Variants in BRSK1 observed in about 807,000 individuals in gnomAD.
The protein encoded by BRSK1 is serine/threonine-protein kinase BRSK1.
A neutral mutation model predicts 86.2 loss-of-function variants in BRSK1; 17 were observed. The ratio of observed to expected loss-of-function variants is 0.20; its 90% CI spans 0.14 to 0.30. The LOEUF is 0.30. Ranked by LOEUF, BRSK1 falls within the 10% of genes least tolerant of loss-of-function variation. The probability of loss-of-function intolerance (pLI) is 1.00; values close to 1 mark genes in which losing one functional copy is unlikely to be tolerated. For missense variants in BRSK1, 719 were observed against 1,071.9 expected, an observed-to-expected ratio of 0.67 and a Z score of 4.60; for synonymous variants, 464 against 440.1, an observed-to-expected ratio of 1.05 and a Z score of -0.68.
intron 4 of BRSK1, among the ~76,000 whole-genome samples, chr19:55,289,902 C>T (rs1031873054): frequency 6.6e-6 from 1 of 152,216 alleles, no homozygotes; most frequent in East Asian, 1.9e-4. Flanking sequence ...CTCCTGCCCC[C>T]AGCCCCCGGC....
Position 55,284,488 on chromosome 19 carries a change from C to T in BRSK1, c.46C>T (p.His16Tyr), listed in dbSNP as rs895592761. Residue 16 changes from histidine (H) to tyrosine (Y), a missense_variant, in exon 1 of 19, where the codon CAC becomes TAC. Coordinates refer to ENST00000309383, the MANE Select transcript of BRSK1 (RefSeq NM_032430.2). ...GGGAGGTGGGGGCTCTCCCGCCTAC[C>T]ACCTCCCCCACCCCCACCCCCACCC... ...KEGGGGSPAY[H>Y]LPHPHPHPPQ... 1.7e-6 allele frequency: 2 copies of T among 1,205,262 alleles called. No homozygotes were observed. Among genetic ancestry groups the T allele is most frequent in the Non-Finnish European group, 2.2e-6 (2 of 907,330 alleles). 74.7% of individuals were successfully genotyped at this position (1,205,262 alleles called of 1,614,324 possible). A position where few individuals can be genotyped will look rare whatever the true frequency, so the allele number is the denominator to read the frequency against.
intron 4 of BRSK1, among the ~76,000 whole-genome samples, chr19:55,292,812 C>T (rs1002185240): frequency 1.3e-5 from 2 of 148,734 alleles, no homozygotes; most frequent in Non-Finnish European, 1.5e-5. Context: ...GCAGCCTGGT[C>T]GACAGAGTGA....
At position 55,304,109 on chromosome 19, in the gene BRSK1, G is replaced by T; in HGVS notation, c.1346G>T (p.Arg449Met). ...TCCTCCAGCCCTCTAAGCAGCCCAA[G>T]GGTAAGGCCAGGTCCCCAGTGGGAT... ...GLSSSPLSSP[R>M]SPVFSFSPEP... The change falls in exon 13 of 19, where the codon AGG becomes ATG. Residue 449 changes from arginine (R) to methionine (M), a missense_variant and splice_region_variant. Arg to Met is a moderately conservative substitution (Grantham distance 91). This residue lies in a region of BRSK1 where 168 missense variants were observed against 246.3 expected (regional missense o/e 0.68). Transcript: ENST00000309383. The surrounding 1 kb of genome is among the most constrained non-coding windows in gnomAD (Gnocchi z 5.2). 6.2e-7 allele frequency: 1 copy of T among 1,612,418 alleles called. No individual in the cohort carries two copies. The highest frequency in any genetic ancestry group is 8.5e-7 in the Non-Finnish European group (1 of 1,179,718).
At chr19:55,311,531 CG>C (rs2088794129) in intron 18 of BRSK1, among the ~76,000 whole-genome samples, 1 of 152,138 alleles carries the variant, frequency 6.6e-6, no homozygotes, top group Non-Finnish European at 1.5e-5. Context: ...AGGAGAGAGT[CG>C]GGGGGCCCCT....
chr19:55,284,181 A>G lies in BRSK1; in HGVS notation c.-262A>G, dbSNP rs1344155141. 2 of 259,208 alleles carry G rather than the reference A, an allele frequency of 7.7e-6. No individual in the cohort carries two copies. Among genetic ancestry groups the G allele is most frequent in the Non-Finnish European group, 1.2e-5 (2 of 162,958 alleles). 16.1% of individuals were successfully genotyped at this position (259,208 alleles called of 1,614,324 possible). A position where few individuals can be genotyped will look rare whatever the true frequency, so the allele number is the denominator to read the frequency against. ...GCAGGAAGCGGGGGGCCGGCCAGAA[A>G]CGGGCTGGGGAGGGGGGGCCCCGCA... On this transcript the variant is annotated 5_prime_UTR_variant, in exon 1 of 19. Transcript: ENST00000309383.
At chr19:55,289,676 C>T in intron 4 of BRSK1, 56 bp downstream of exon 4, 3 of 1,590,976 alleles carry the variant, frequency 1.9e-6, no homozygotes, top group African/African-American at 2.7e-5. Flanking sequence ...CAGACAGGCC[C>T]TTGGGGGCAT....
In BRSK1 at chr19:55,306,585, C is replaced by T; in HGVS notation, c.2089+135C>T. 1 of 988,038 alleles carries T rather than the reference C, an allele frequency of 1.0e-6. No homozygotes were observed. Among genetic ancestry groups the T allele is most frequent in the Non-Finnish European group, 1.5e-6 (1 of 667,830 alleles). 61.2% of individuals were successfully genotyped at this position (988,038 alleles called of 1,614,324 possible). ...GCTGGTGCCGACTCTCTGTGCTCCT[C>T]CTGCCCACACAGACCGCCCCACAAG... On this transcript the variant is annotated intron_variant, in intron 17 of 18. Transcript: ENST00000309383. This position sits in a 1 kb window ranked among gnomAD's most constrained non-coding sequence, Gnocchi z 4.7.
In BRSK1 at chr19:55,308,668, G is replaced by A; in HGVS notation, c.2119G>A (p.Glu707Lys). Residue 707 changes from glutamate to lysine, a missense_variant, in exon 18 of 19, where the codon GAG (glutamate) becomes AAG (lysine). Transcript: ENST00000309383. The stretch of plus-strand genomic sequence containing the variant: ...CAGCCGTCGGTTCAAGCGAGTGGTG[G>A]AGACCATCCAGGCACAGCTCCTGAG... Reference protein sequence around the residue: ...GPSRRFKRVVETIQAQLLSTH... With the variant: ...GPSRRFKRVVKTIQAQLLSTH... The A allele has an allele frequency of 6.2e-7, 1 of 1,607,898 alleles. No individual in the cohort carries two copies. Among genetic ancestry groups the A allele is most frequent in the Non-Finnish European group, 8.5e-7 (1 of 1,177,136 alleles).
chr19:55,293,325 C>G (rs999258987), intron 4 of BRSK1, among the ~76,000 whole-genome samples: 1 of 151,950 alleles, frequency 6.6e-6, no homozygotes, highest in African/African-American at 2.4e-5. Context: ...AGCGAGACTT[C>G]GTCTCAAAAA....
In BRSK1 at chr19:55,284,489, A is replaced by ACCAGC; in HGVS notation, c.49_50insAGCCC (p.Leu17GlnfsTer51). ...GGAGGTGGGGGCTCTCCCGCCTACC[A>ACCAGC]CCTCCCCCACCCCCACCCCCACCCA... On this transcript the variant is annotated frameshift_variant, in exon 1 of 19. Transcript: ENST00000309383. LOFTEE classifies it high-confidence loss of function. 1 of 764,830 alleles carries ACCAGC rather than the reference A, an allele frequency of 1.3e-6. No individual in the cohort carries two copies. 47.4% of individuals were successfully genotyped at this position (764,830 alleles called of 1,614,324 possible).
rs1220251997 is a variant in BRSK1, at chr19:55,312,160, C to T, written c.*92C>T. 11 of 594,054 alleles carry T rather than the reference C, an allele frequency of 1.9e-5. No homozygotes were observed. Among genetic ancestry groups the T allele is most frequent in the African/African-American group, 7.9e-5 (4 of 50,686 alleles). 36.8% of individuals were successfully genotyped at this position (594,054 alleles called of 1,614,324 possible). A position where few individuals can be genotyped will look rare whatever the true frequency, so the allele number is the denominator to read the frequency against. Reference sequence around the variant, plus strand: ...TGTAAATAAGGCCCAAGGAACATGTCGGGAGGGGGGTGGACACAAAAACCG... The same window carrying T: ...TGTAAATAAGGCCCAAGGAACATGTTGGGAGGGGGGTGGACACAAAAACCG... On this transcript the variant is annotated 3_prime_UTR_variant, in exon 19 of 19. Transcript: ENST00000309383.
In BRSK1 at chr19:55,306,371, T is replaced by G; in HGVS notation, c.2010T>G (p.Ser670=). The change falls in exon 17 of 19, where the codon TCT becomes TCG. Residue 670 remains serine (S), a synonymous_variant. Transcript: ENST00000309383. The surrounding 1 kb of genome is among the most constrained non-coding windows in gnomAD (Gnocchi z 4.7). The part of the protein sequence containing the change: ...PVRFQVDISS[S]EGPEPSPRRD... Reference sequence around the variant, plus strand: ...GCTTCCAGGTGGACATCAGCTCCTCTGAGGGTCCAGAGCCCTCCCCGCGAC... The same window carrying G: ...GCTTCCAGGTGGACATCAGCTCCTCGGAGGGTCCAGAGCCCTCCCCGCGAC... 1 of 1,614,072 alleles carries G rather than the reference T, an allele frequency of 6.2e-7. No individual in the cohort carries two copies. The highest frequency in any genetic ancestry group is 1.3e-5 in the African/African-American group (1 of 75,062).
At chr19:55,291,755 G>C (rs974861100) in intron 4 of BRSK1, among the ~76,000 whole-genome samples, 1 of 151,992 alleles carries the variant, frequency 6.6e-6, no homozygotes, top group Non-Finnish European at 1.5e-5. Flanking sequence ...TTAAATTTTC[G>C]GTTTTTGTCT....
rs2088706606 is a variant in BRSK1 at position 55,308,721 on chromosome 19, C to T, written c.2172C>T (p.Ala724=). 6.3e-7 allele frequency: 1 copy of T among 1,582,870 alleles called. No homozygotes were observed. Among genetic ancestry groups the T allele is most frequent in the Admixed American group, 1.7e-5 (1 of 58,262 alleles). The change falls in exon 18 of 19, where the codon GCC becomes GCT. Residue 724 remains alanine, a synonymous_variant. Coordinates refer to ENST00000309383, the MANE Select transcript of BRSK1 (RefSeq NM_032430.2). ...CTCATGACCAGCCCTCCGTGCAGGC[C>T]CTGGCAGGTGGGTGGTGGGGCCGTG... ...LSTHDQPSVQ[A]LADEKNGAQT... is the part of the protein sequence containing the mutation.
At position 55,299,816 on chromosome 19, in the gene BRSK1, C is replaced by A. The variant is rs532452325; in HGVS notation, c.679-1696C>A. 2.0e-5 allele frequency among the ~76,000 whole-genome samples: 3 copies of A among 152,244 alleles called. No individual in the cohort carries two copies. In the East Asian group the frequency reaches 5.8e-4, roughly 29 times the overall value. ...CAGAAGTCAAACCCAGGCTTCCGCA[C>A]CCTAAGATCGGCATTCAGAGGTGCC... On this transcript the variant is annotated intron_variant, in intron 7 of 18. Transcript: ENST00000309383.
intron 7 of BRSK1, among the ~76,000 whole-genome samples, chr19:55,296,582 C>G (rs1425851934): frequency 6.6e-6 from 1 of 152,136 alleles, no homozygotes; most frequent in East Asian, 1.9e-4. Context: ...CGCGGTGGCT[C>G]ACGCCTGTAA....
In BRSK1 at chr19:55,287,670, A is replaced by T. The variant is rs1360659887; in HGVS notation, c.317+371A>T. On this transcript the variant is annotated intron_variant, in intron 3 of 18. Transcript: ENST00000309383. The surrounding 1 kb of genome is among the most constrained non-coding windows in gnomAD (Gnocchi z 5.3). ...AAGGCAAGGGGCCTAGCAAAGCCCAAAGGATCTTCCCAAACCCCAACTCTG... is the reference window on the plus strand; with the variant it reads ...AAGGCAAGGGGCCTAGCAAAGCCCATAGGATCTTCCCAAACCCCAACTCTG... Among the ~76,000 whole-genome samples the T allele has an allele frequency of 6.6e-6, 1 of 152,244 alleles. No individual in the cohort carries two copies. Among genetic ancestry groups the T allele is most frequent in the Non-Finnish European group, 1.5e-5 (1 of 68,040 alleles).
Position 55,303,193 on chromosome 19 carries a change from C to G in BRSK1, c.1029-118C>G, listed in dbSNP as rs1430232856. ...CCAGAGAAACTGACCATACTGATAC[C>G]TAGAAAAAATGGAACCATGGGCAGA... is the stretch of plus-strand genomic sequence containing the variant. On this transcript the variant is annotated intron_variant, in intron 10 of 18. Transcript: ENST00000309383. The surrounding 1 kb of genome is among the most constrained non-coding windows in gnomAD (Gnocchi z 5.1). 1.9e-5 allele frequency: 15 copies of G among 809,586 alleles called. No individual in the cohort carries two copies. Among genetic ancestry groups the G allele is most frequent in the Non-Finnish European group, 3.0e-5 (15 of 493,114 alleles). The allele number at this position is 809,586 out of a possible 1,614,324, so 50.2% of individuals were successfully genotyped here.
rs200080844 is a variant in BRSK1 at position 55,284,608 on chromosome 19, C to T, written c.136+30C>T. 22 of 1,127,124 alleles carry T rather than the reference C, an allele frequency of 2.0e-5. No homozygotes were observed. The East Asian group carries it at 7.3e-4, about 37-fold the overall frequency. 69.8% of individuals were successfully genotyped at this position (1,127,124 alleles called of 1,614,324 possible). On this transcript the variant is annotated intron_variant, in intron 1 of 18. Coordinates refer to ENST00000309383, the MANE Select transcript of BRSK1 (RefSeq NM_032430.2). ...GCCTAGCAGAAGGGGACACCTGGGG[C>T]GGGGGGCAGGGTGGAGGTGGCGGCA...
Sources: gnomAD v4.1 joint callset for allele counts (sites outside exome capture counted in the v4.1 genomes callset) on GRCh38, gnomAD v4.1.1 for gene constraint, gnomAD v4.1.1 regional missense constraint, Gnocchi (gnomAD v3.1) non-coding constraint, MANE v1.5 for transcripts, NCBI Gene and HGNC (gene_info 2026-07-23, HGNC 2026-07-21) for gene names.